HTR1E: variants seen among roughly 807,000 people sequenced by gnomAD.
HTR1E encodes the protein 5-HT-1E.
HTR1E carries 3 observed loss-of-function variants against 3.4 expected under a neutral mutation model. The ratio of observed to expected loss-of-function variants is 0.89; its 90% CI spans 0.41 to 2.31. The LOEUF is 2.31. Ranked by LOEUF, HTR1E falls within the 30% of genes most tolerant of loss-of-function variation. The pLI, the probability that HTR1E is intolerant of heterozygous loss-of-function variation, is 0.05. For missense variants in HTR1E, 392 were observed against 467.0 expected, an observed-to-expected ratio of 0.84 and a Z score of 1.48; for synonymous variants, 170 against 182.8, an observed-to-expected ratio of 0.93 and a Z score of 0.56.
chr6:86,984,507 C>A (rs1767755920), intron 1 of HTR1E, among the ~76,000 whole-genome samples: 2 of 152,154 alleles, frequency 1.3e-5, no homozygotes, highest in South Asian at 4.1e-4. Flanking sequence ...AGAGAGCCAC[C>A]AACAAGAAAA....
intron 1 of HTR1E, among the ~76,000 whole-genome samples, chr6:86,996,378 G>C (rs971931694): frequency 2.8e-4 from 42 of 152,020 alleles, no homozygotes; most frequent in African/African-American, 9.7e-4. Flanking sequence ...AGCAACTCAG[G>C]AGAAATCTTT....
chr6:86,952,292 G>A (rs564507249), intron 1 of HTR1E, among the ~76,000 whole-genome samples: 2 of 152,142 alleles, frequency 1.3e-5, no homozygotes, highest in African/African-American at 4.8e-5. Flanking sequence ...CTCACTCACA[G>A]TTCAAATTCC....
At chr6:86,970,992 T>A (rs1006630586) in intron 1 of HTR1E, 2 of 427,102 alleles carry the variant, frequency 4.7e-6, no homozygotes, top group Non-Finnish European at 9.0e-6. Context: ...TTGGCAAATA[T>A]GGCATCATCT....
intron 1 of HTR1E, among the ~76,000 whole-genome samples, chr6:87,000,463 C>T (rs1768004545): frequency 1.3e-5 from 2 of 152,054 alleles, no homozygotes; most frequent in Non-Finnish European, 2.9e-5. Context: ...TAATCAAACT[C>T]CCAAAGGATA....
intron 1 of HTR1E, among the ~76,000 whole-genome samples, chr6:86,992,588 T>A (rs1484807232): frequency 6.6e-6 from 1 of 152,170 alleles, no homozygotes; most frequent in Non-Finnish European, 1.5e-5. Context: ...CACGAGTAAA[T>A]ACTTCAGAGT....
intron 1 of HTR1E, among the ~76,000 whole-genome samples, chr6:86,947,950 T>C (rs1767150106): frequency 6.6e-6 from 1 of 152,180 alleles, no homozygotes; most frequent in Non-Finnish European, 1.5e-5. Flanking sequence ...TGTGCCACGG[T>C]GGTTCACTGC....
At chr6:86,971,912 C>G (rs1364846374) in intron 1 of HTR1E, among the ~76,000 whole-genome samples, 1 of 152,114 alleles carries the variant, frequency 6.6e-6, no homozygotes, top group East Asian at 1.9e-4. Flanking sequence ...CATACAGTAT[C>G]TGGTTTTCTA....
intron 1 of HTR1E, among the ~76,000 whole-genome samples, chr6:86,973,006 C>T (rs1191229546): frequency 6.6e-6 from 1 of 152,110 alleles, no homozygotes; most frequent in African/African-American, 2.4e-5. Flanking sequence ...CACGTTCTAC[C>T]ACTGCTGTTT....
At chr6:87,010,013 G>T (rs1291097753) in intron 1 of HTR1E, among the ~76,000 whole-genome samples, 1 of 111,346 alleles carries the variant, frequency 9.0e-6, no homozygotes, top group Non-Finnish European at 1.8e-5. Flanking sequence ...GCGGAGGGCT[G>T]ACCCCCCCAC....
chr6:87,012,280 G>C (rs1366265253), intron 1 of HTR1E, among the ~76,000 whole-genome samples: 1 of 152,166 alleles, frequency 6.6e-6, no homozygotes, highest in Non-Finnish European at 1.5e-5. Context: ...AGCATGAGAA[G>C]TGAGAAGCTT....
At chr6:86,995,263 C>A (rs530621417) in intron 1 of HTR1E, among the ~76,000 whole-genome samples, 41 of 151,046 alleles carry the variant, frequency 2.7e-4, no homozygotes, top group Non-Finnish European at 4.6e-4. Context: ...CCAGTCTGGG[C>A]AACATAGCAA....
Position 87,015,611 on chromosome 6 carries a change from T to G in HTR1E, c.277T>G (p.Phe93Val), listed in dbSNP as rs139108345. 3.7e-6 allele frequency: 6 copies of G among 1,614,058 alleles called. No individual in the cohort carries two copies. Among genetic ancestry groups the G allele is most frequent in the Non-Finnish European group, 5.1e-6 (6 of 1,180,018 alleles). ...IVMDRWKLGYFLCEVWLSVDM... is the reference protein window; with the variant it reads ...IVMDRWKLGYVLCEVWLSVDM... ...CATGGATCGCTGGAAGCTTGGGTAC[T>G]TCCTCTGTGAGGTGTGGCTGAGTGT... Residue 93 changes from phenylalanine (F) to valine (V), a missense_variant, in exon 2 of 2, where the codon TTC becomes GTC. Physicochemically the swap from Phe to Val is conservative, Grantham distance 50. Around this residue, in one of 3 missense-constraint regions of HTR1E, gnomAD observed 189 missense variants for 258.0 expected, o/e 0.73. Coordinates refer to ENST00000305344, the MANE Select transcript of HTR1E (RefSeq NM_000865.3).
At chr6:86,980,880 G>A (rs1003632288) in intron 1 of HTR1E, among the ~76,000 whole-genome samples, 3 of 152,152 alleles carry the variant, frequency 2.0e-5, no homozygotes, top group Non-Finnish European at 4.4e-5. Context: ...CTGTGTCCAG[G>A]AGTATGTGTG....
chr6:86,989,250 T>G (rs1303890434), intron 1 of HTR1E, among the ~76,000 whole-genome samples: 1 of 152,182 alleles, frequency 6.6e-6, no homozygotes, highest in Non-Finnish European at 1.5e-5. Flanking sequence ...CTCTCCTTTT[T>G]GCCTGTCTTC....
intron 1 of HTR1E, among the ~76,000 whole-genome samples, chr6:86,957,226 CTT>C (rs1342188646): frequency 6.6e-6 from 1 of 152,178 alleles, no homozygotes; most frequent in Non-Finnish European, 1.5e-5. Flanking sequence ...ATTTGTGAGA[CTT>C]TTCAAAAACA....
intron 1 of HTR1E, among the ~76,000 whole-genome samples, chr6:86,949,044 A>T (rs750954959): frequency 6.6e-6 from 1 of 152,228 alleles, no homozygotes; most frequent in African/African-American, 2.4e-5. Flanking sequence ...CTTCTCACTT[A>T]TGCCAATTTA....
At chr6:86,964,811 A>C (rs973117520) in intron 1 of HTR1E, among the ~76,000 whole-genome samples, 2 of 152,250 alleles carry the variant, frequency 1.3e-5, no homozygotes, top group Non-Finnish European at 1.5e-5. Context: ...GCCTTGCAAT[A>C]ATGAATTATT....
At chr6:86,948,815 A>T (rs1323211224) in intron 1 of HTR1E, among the ~76,000 whole-genome samples, 2 of 152,198 alleles carry the variant, frequency 1.3e-5, no homozygotes, top group East Asian at 3.8e-4. Context: ...AGAGGTGTTC[A>T]GGTGCCATCA....
intron 1 of HTR1E, among the ~76,000 whole-genome samples, chr6:86,972,747 A>G (rs1767577912): frequency 6.6e-6 from 1 of 152,144 alleles, no homozygotes; most frequent in African/African-American, 2.4e-5. Context: ...TATCTGTATG[A>G]GTGTGTATGC....
Sources: allele counts gnomAD v4.1 joint callset (sites outside exome capture counted in the v4.1 genomes callset), GRCh38; gene constraint gnomAD v4.1.1; regional missense constraint gnomAD v4.1.1; transcripts MANE v1.5; gene names NCBI Gene and HGNC (gene_info 2026-07-23, HGNC 2026-07-21).